NFATC1: variants seen among roughly 807,000 people sequenced by gnomAD.
NFATC1 encodes the protein nuclear factor of activated T-cells, cytoplasmic 1.
NFATC1 carries 22 observed loss-of-function variants against 76.0 expected under a neutral mutation model. The ratio of observed to expected loss-of-function variants is 0.29; its 90% confidence interval spans 0.21 to 0.41. NFATC1 has a LOEUF of 0.41. Ranked by LOEUF, NFATC1 falls within the 10% of genes least tolerant of loss-of-function variation. The probability of loss-of-function intolerance (pLI) is 1.00; values close to 1 mark genes in which losing one functional copy is unlikely to be tolerated. For missense variants in NFATC1, 1,357 were observed against 1,337.7 expected, an observed-to-expected ratio of 1.01 and a Z score of -0.23; for synonymous variants, 704 against 613.1, an observed-to-expected ratio of 1.15 and a Z score of -2.19.
At chr18:79,490,106 C>T (rs529539185) in intron 9 of NFATC1, among the ~76,000 whole-genome samples, 35 of 152,314 alleles carry the variant, frequency 2.3e-4, no homozygotes, top group African/African-American at 7.9e-4. Flanking sequence ...GCCCCCGCCC[C>T]CCCGTGGGCA....
chr18:79,415,456 G>A (rs1269915376), intron 2 of NFATC1, among the ~76,000 whole-genome samples: 1 of 150,976 alleles, frequency 6.6e-6, no homozygotes, highest in Non-Finnish European at 1.5e-5. Flanking sequence ...CTATTTTTTT[G>A]TATTTTTAGT....
intron 9 of NFATC1, among the ~76,000 whole-genome samples, chr18:79,504,187 T>G (rs774081333): frequency 6.6e-6 from 1 of 152,242 alleles, no homozygotes; most frequent in Non-Finnish European, 1.5e-5. Context: ...GCATTCACAG[T>G]TGGACTGGCG....
intron 9 of NFATC1, among the ~76,000 whole-genome samples, chr18:79,504,500 A>C (rs909818840): frequency 6.6e-6 from 1 of 152,232 alleles, no homozygotes; most frequent in African/African-American, 2.4e-5. Context: ...TGGCACCCCA[A>C]AACAATGACA....
At chr18:79,452,206 C>T in intron 6 of NFATC1, 1 of 159,668 alleles carries the variant, frequency 6.3e-6, no homozygotes, top group Non-Finnish European at 1.4e-5. Context: ...GAGGGAGCTC[C>T]CCTCCGGGGC....
intron 3 of NFATC1, among the ~76,000 whole-genome samples, chr18:79,435,763 C>T (rs780416751): frequency 2.0e-5 from 3 of 152,178 alleles, no homozygotes; most frequent in Non-Finnish European, 2.9e-5. Flanking sequence ...AAAATGTACC[C>T]TCAACAATTA....
chr18:79,399,500 C>CG (rs1568906154), intron 1 of NFATC1, among the ~76,000 whole-genome samples: 1 of 152,230 alleles, frequency 6.6e-6, no homozygotes, highest in East Asian at 1.9e-4. Context: ...GCGGAGAGCC[C>CG]GGGGGAAGTT....
intron 2 of NFATC1, among the ~76,000 whole-genome samples, chr18:79,413,597 C>T (rs570105734): frequency 2.3e-4 from 35 of 152,368 alleles, no homozygotes; most frequent in African/African-American, 8.4e-4. Flanking sequence ...CCAGACACAG[C>T]CCCACGCTGG....
intron 3 of NFATC1, among the ~76,000 whole-genome samples, chr18:79,444,192 GGT>G (rs370941100): frequency 2.0e-5 from 3 of 152,000 alleles, no homozygotes; most frequent in Non-Finnish European, 2.9e-5. Flanking sequence ...TGTCACATGT[GGT>G]GTGTGTGTGT....
intron 9 of NFATC1, among the ~76,000 whole-genome samples, chr18:79,515,557 G>A (rs2090360610): frequency 6.6e-6 from 1 of 151,866 alleles, no homozygotes; most frequent in Non-Finnish European, 1.5e-5. Flanking sequence ...TGCCAATGGA[G>A]CTTTTGACCT....
intron 6 of NFATC1, among the ~76,000 whole-genome samples, chr18:79,455,417 C>T (rs1031288964): frequency 2.5e-4 from 38 of 152,150 alleles, no homozygotes; most frequent in Admixed American, 1.8e-3. Context: ...GGCCCCTCTA[C>T]GTGGCCTCCC....
intron 3 of NFATC1, among the ~76,000 whole-genome samples, chr18:79,434,858 G>A (rs1229561027): frequency 2.0e-5 from 3 of 152,248 alleles, no homozygotes; most frequent in Non-Finnish European, 2.9e-5. Context: ...ACTTGCAGAT[G>A]ATGTTAATGT....
chr18:79,510,387 G>A (rs1378413128), intron 9 of NFATC1, among the ~76,000 whole-genome samples: 5 of 152,238 alleles, frequency 3.3e-5, no homozygotes, highest in Non-Finnish European at 7.3e-5. Context: ...TAGGGAGAGG[G>A]AGAACAGTTG....
Position 79,411,504 on chromosome 18 carries a change from G to T in NFATC1, c.1226+3G>T. The T allele has an allele frequency of 6.8e-7, 1 of 1,477,304 alleles. No individual in the cohort carries two copies. 91.5% of individuals were successfully genotyped at this position (1,477,304 alleles called of 1,614,324 possible). A position where few individuals can be genotyped will look rare whatever the true frequency, so the allele number is the denominator to read the frequency against. On this transcript the variant is annotated splice_donor_region_variant and intron_variant, in intron 2 of 9. Coordinates refer to ENST00000427363, the MANE Select transcript of NFATC1 (RefSeq NM_001278669.2). ...CTGTCCCCTACGTCCTACATGAGGT[G>T]AGCCGGCAGCGCGGGGCGGGACGGG...
chr18:79,491,240 C>T (rs765957797), intron 9 of NFATC1, among the ~76,000 whole-genome samples: 1 of 152,098 alleles, frequency 6.6e-6, no homozygotes, highest in Non-Finnish European at 1.5e-5. Context: ...AGCAGGCAAG[C>T]GTGACCTGGA....
At position 79,411,561 on chromosome 18, in the gene NFATC1, C is replaced by T. The variant is rs927655705; in HGVS notation, c.1226+60C>T. Reference sequence around the variant, plus strand: ...AGGGGAGGCGCGGGGCGGGGCGGAACGCGGGGAGCGGGACGGGGGGCGGCG... The same window carrying T: ...AGGGGAGGCGCGGGGCGGGGCGGAATGCGGGGAGCGGGACGGGGGGCGGCG... On this transcript the variant is annotated intron_variant, in intron 2 of 9. Coordinates refer to ENST00000427363, the MANE Select transcript of NFATC1 (RefSeq NM_001278669.2). The T allele has an allele frequency of 1.0e-4, 120 of 1,178,462 alleles. 1 individual carries two copies. Among genetic ancestry groups the T allele is most frequent in the Non-Finnish European group, 3.8e-5 (35 of 929,750 alleles). 73.0% of individuals were successfully genotyped at this position (1,178,462 alleles called of 1,614,324 possible).
chr18:79,469,218 T>TTC, intron 8 of NFATC1: 1 of 512,704 alleles, frequency 2.0e-6, no homozygotes, highest in Admixed American at 6.4e-5. Flanking sequence ...TAATTAAACT[T>TTC]CAAGCATGGT....
At chr18:79,514,735 A>G (rs1415901676) in intron 9 of NFATC1, among the ~76,000 whole-genome samples, 2 of 152,000 alleles carry the variant, frequency 1.3e-5, no homozygotes, top group Non-Finnish European at 2.9e-5. Context: ...GATTTAGTTG[A>G]AAGTCACATT....
At chr18:79,520,005 C>T (rs1600994323) in intron 9 of NFATC1, among the ~76,000 whole-genome samples, 4 of 152,164 alleles carry the variant, frequency 2.6e-5, no homozygotes, top group South Asian at 2.1e-4. Flanking sequence ...AGCAAGAAAC[C>T]GGCTGCCCCC....
rs1417089831 is a variant in NFATC1, at chr18:79,443,717, AG to A, written c.1387-5062del. On this transcript the variant is annotated intron_variant, in intron 3 of 9. Transcript: ENST00000427363. ...TCCTTCTGCCGACGGCATCTGTGGG[AG>A]GGCAGGTACGATCGATCCTGGTCCT... Among the ~76,000 whole-genome samples the A allele has an allele frequency of 3.3e-5, 5 of 152,244 alleles. No homozygotes were observed. The East Asian group carries it at 9.7e-4, about 29-fold the overall frequency.
Sources: allele counts gnomAD v4.1 joint callset (sites outside exome capture counted in the v4.1 genomes callset), GRCh38; gene constraint gnomAD v4.1.1; transcripts MANE v1.5; gene names NCBI Gene and HGNC (gene_info 2026-07-23, HGNC 2026-07-21).